Variants in CCDC170 observed in about 807,000 individuals in gnomAD.
CCDC170 encodes coiled-coil domain-containing protein 170.
Under a neutral mutation model 72.6 loss-of-function variants are expected in CCDC170, and 69 were observed. That is an observed-to-expected ratio of 0.95 (90% CI 0.78 to 1.16). The LOEUF is 1.16. Among genes scored for constraint, CCDC170 ranks in the 50% most tolerant of loss-of-function variants. The pLI, the probability that CCDC170 is intolerant of heterozygous loss-of-function variation, is 0.00. For synonymous variants in CCDC170, 300 were observed against 303.9 expected (o/e 0.99, Z 0.13); for missense variants, 852 against 832.5 (o/e 1.02, Z -0.29).
chr6:151,572,506 A>G (rs1342045885), intron 5 of CCDC170, among the ~76,000 whole-genome samples: 4 of 152,176 alleles, frequency 2.6e-5, no homozygotes, highest in East Asian at 3.9e-4. Context: ...AACATATTCT[A>G]CATATGGACT....
At chr6:151,605,937 T>C (rs1349997151) in intron 9 of CCDC170, among the ~76,000 whole-genome samples, 1 of 150,768 alleles carries the variant, frequency 6.6e-6, no homozygotes, top group Non-Finnish European at 1.5e-5. Context: ...AGTCTTACTC[T>C]GTTGTCCAGG....
rs1781873441 is a variant in CCDC170, at chr6:151,494,112, C to T, written c.-17C>T. The stretch of plus-strand genomic sequence containing the variant: ...GGCCGGTTCCGGGTCCGAGCGCGCC[C>T]CCGGGCTCGGGTCGTCATGAGCCTG... On this transcript the variant is annotated 5_prime_UTR_variant, in exon 1 of 11. Transcript: ENST00000239374. The T allele has an allele frequency of 1.3e-6, 2 of 1,495,870 alleles. No individual in the cohort carries two copies. The highest frequency in any genetic ancestry group is 1.5e-5 in the African/African-American group (1 of 68,954). 92.7% of individuals were successfully genotyped at this position (1,495,870 alleles called of 1,614,324 possible).
At chr6:151,610,535 C>T (rs1776853388) in intron 9 of CCDC170, among the ~76,000 whole-genome samples, 1 of 152,160 alleles carries the variant, frequency 6.6e-6, no homozygotes, top group South Asian at 2.1e-4. Flanking sequence ...ACACTTCACC[C>T]CTCAAATATT....
chr6:151,595,090 GTCTT>G (rs1486334385), intron 8 of CCDC170, among the ~76,000 whole-genome samples: 1 of 152,194 alleles, frequency 6.6e-6, no homozygotes, highest in African/African-American at 2.4e-5. Flanking sequence ...ATTTCAGTAA[GTCTT>G]TCCACCTGTT....
At chr6:151,577,660 TC>T (rs1422000112) in intron 6 of CCDC170, among the ~76,000 whole-genome samples, 3 of 152,190 alleles carry the variant, frequency 2.0e-5, no homozygotes, top group Non-Finnish European at 2.9e-5. Context: ...AGCAAGGGTC[TC>T]CAACCCTCTG....
rs748785783 is a variant in CCDC170, at chr6:151,538,076, A to T, written c.218A>T (p.Lys73Ile). The change falls in exon 3 of 11, where the codon AAA becomes ATA. Residue 73 changes from lysine to isoleucine, a missense_variant. Lys to Ile is a moderately radical substitution (Grantham distance 102, BLOSUM62 -3). Coordinates refer to ENST00000239374, the MANE Select transcript of CCDC170 (RefSeq NM_025059.4). ...LQDLRSKMLSKEVSCQELKAE... is the reference protein window; with the variant it reads ...LQDLRSKMLSIEVSCQELKAE... ...GACCTCCGATCCAAGATGCTTTCTA[A>T]AGAAGTCTCCTGTCAAGAACTGAAA... 1 of 1,613,494 alleles carries T rather than the reference A, an allele frequency of 6.2e-7. No individual in the cohort carries two copies. Among genetic ancestry groups the T allele is most frequent in the South Asian group, 1.1e-5 (1 of 90,932 alleles).
At chr6:151,556,632 G>A (rs540639208) in intron 5 of CCDC170, among the ~76,000 whole-genome samples, 89 of 151,982 alleles carry the variant, frequency 5.9e-4, no homozygotes, top group Admixed American at 2.4e-3. Flanking sequence ...TGTATTTAAC[G>A]GGTACGTGTG....
At chr6:151,518,836 A>C (rs971590950) in intron 1 of CCDC170, among the ~76,000 whole-genome samples, 8 of 152,294 alleles carry the variant, frequency 5.3e-5, no homozygotes, top group East Asian at 1.9e-4. Context: ...AGGACTTTAA[A>C]AGGGGAAGGG....
intron 1 of CCDC170, among the ~76,000 whole-genome samples, chr6:151,533,118 G>A (rs542650897): frequency 9.9e-4 from 148 of 149,402 alleles, no homozygotes; most frequent in African/African-American, 3.2e-3. Context: ...CAGTGGCACG[G>A]TCTCGGCTTA....
chr6:151,611,431 C>T (rs1776869085), intron 9 of CCDC170, among the ~76,000 whole-genome samples: 2 of 152,204 alleles, frequency 1.3e-5, no homozygotes, highest in African/African-American at 4.8e-5. Context: ...CTGGTGAGAG[C>T]ATGCTTCCTT....
In CCDC170 at chr6:151,573,312, T is replaced by C. The variant is rs1562286597; in HGVS notation, c.913T>C (p.Leu305=). The change falls in exon 6 of 11, where the codon TTG becomes CTG. Residue 305 remains leucine (L), a synonymous_variant. Coordinates refer to ENST00000239374, the MANE Select transcript of CCDC170 (RefSeq NM_025059.4). ...VSLLKKSSSE[L]EKSLKASQDA... ...CCTCCTGAAGAAAAGCTCTTCTGAGTTGGAGAAGAGTTTGAAGGCCAGTCA... is the reference window on the plus strand; with the variant it reads ...CCTCCTGAAGAAAAGCTCTTCTGAGCTGGAGAAGAGTTTGAAGGCCAGTCA... 4 of 1,614,118 alleles carry C rather than the reference T, an allele frequency of 2.5e-6. No individual in the cohort carries two copies. Among genetic ancestry groups the C allele is most frequent in the Non-Finnish European group, 3.4e-6 (4 of 1,180,002 alleles).
chr6:151,517,852 A>G lies in CCDC170; in HGVS notation c.58-18466A>G, dbSNP rs1782259478. ...AGGAAGTGTACAATACTCACAGCAC[A>G]TATATAATACTCCTGTGCTTCCTCT... On this transcript the variant is annotated intron_variant, in intron 1 of 10. Transcript: ENST00000239374. Among the ~76,000 whole-genome samples, 5 of 152,048 alleles carry G rather than the reference A, an allele frequency of 3.3e-5. No homozygotes were observed. In the South Asian group the frequency reaches 1.0e-3, roughly 32 times the overall value.
At chr6:151,520,043 A>G (rs1330731970) in intron 1 of CCDC170, among the ~76,000 whole-genome samples, 1 of 152,216 alleles carries the variant, frequency 6.6e-6, no homozygotes, top group Admixed American at 6.5e-5. Flanking sequence ...TGGGAGATGC[A>G]GGTCTCAGCC....
chr6:151,585,326 A>G (rs1167912113), intron 6 of CCDC170, among the ~76,000 whole-genome samples: 1 of 152,144 alleles, frequency 6.6e-6, no homozygotes, highest in Non-Finnish European at 1.5e-5. Context: ...AAATGGTATT[A>G]CTCTATAACT....
At chr6:151,615,139 T>A (rs941980604) in intron 9 of CCDC170, among the ~76,000 whole-genome samples, 1 of 152,110 alleles carries the variant, frequency 6.6e-6, no homozygotes, top group Non-Finnish European at 1.5e-5. Context: ...CCTCATAGAG[T>A]GTGTGTGCAC....
At chr6:151,613,271 C>T (rs947351096) in intron 9 of CCDC170, among the ~76,000 whole-genome samples, 7 of 152,056 alleles carry the variant, frequency 4.6e-5, no homozygotes, top group African/African-American at 7.2e-5. Context: ...GGCATGGTGG[C>T]GCACACCTGT....
At chr6:151,524,159 A>G (rs773026811) in intron 1 of CCDC170, among the ~76,000 whole-genome samples, 17 of 152,028 alleles carry the variant, frequency 1.1e-4, no homozygotes, top group Non-Finnish European at 2.1e-4. Context: ...GTTACTCCAT[A>G]TTGCTTTGTT....
At chr6:151,540,544 C>T (rs1364571107) in intron 3 of CCDC170, among the ~76,000 whole-genome samples, 1 of 151,502 alleles carries the variant, frequency 6.6e-6, no homozygotes, top group East Asian at 1.9e-4. Flanking sequence ...CATCACCATG[C>T]CCAGTTAATA....
intron 9 of CCDC170, among the ~76,000 whole-genome samples, chr6:151,608,897 G>T (rs546027721): frequency 6.6e-6 from 1 of 152,220 alleles, no homozygotes; most frequent in Non-Finnish European, 1.5e-5. Context: ...TACTGCGCTT[G>T]TGTCCTGTAA....
Sources: allele counts gnomAD v4.1 joint callset (sites outside exome capture counted in the v4.1 genomes callset), GRCh38; gene constraint gnomAD v4.1.1; transcripts MANE v1.5; gene names NCBI Gene and HGNC (gene_info 2026-07-23, HGNC 2026-07-21).